MYT1L: variants seen among roughly 807,000 people sequenced by gnomAD.
MYT1L encodes myelin transcription factor 1 like.
In MYT1L, 12 loss-of-function variants were observed where a neutral mutation model predicts 126.7. The ratio of observed to expected loss-of-function variants is 0.09; its 90% CI spans 0.06 to 0.15. MYT1L has a LOEUF of 0.15. Ranked by LOEUF, MYT1L falls within the 10% of genes least tolerant of loss-of-function variation. The pLI, the probability that MYT1L is intolerant of heterozygous loss-of-function variation, is 1.00. For missense variants in MYT1L, 979 were observed against 1,585.2 expected (o/e 0.62, Z 6.49); for synonymous variants, 541 against 604.2 (o/e 0.90, Z 1.53).
At chr2:1,937,367 G>A (rs1163347683) in intron 9 of MYT1L, among the ~76,000 whole-genome samples, 4 of 152,042 alleles carry the variant, frequency 2.6e-5, no homozygotes, top group Non-Finnish European at 5.9e-5. Flanking sequence ...ACAGCGAGAA[G>A]GCCCTAATGT....
At chr2:2,155,620 A>C (rs947434058) in intron 3 of MYT1L, among the ~76,000 whole-genome samples, 2 of 152,108 alleles carry the variant, frequency 1.3e-5, no homozygotes, top group African/African-American at 4.8e-5. Flanking sequence ...TCCCCATTGC[A>C]ATATGTTGCC....
intron 8 of MYT1L, among the ~76,000 whole-genome samples, chr2:1,960,787 C>T (rs1397448195): frequency 6.6e-6 from 1 of 151,210 alleles, no homozygotes; most frequent in African/African-American, 2.4e-5. Context: ...TCACAATGCA[C>T]CTGCCTCCCT....
intron 2 of MYT1L, among the ~76,000 whole-genome samples, chr2:2,233,268 G>T (rs1394205518): frequency 6.6e-6 from 1 of 152,214 alleles, no homozygotes; most frequent in Non-Finnish European, 1.5e-5. Context: ...ACAGAGCAAG[G>T]GGTGCCAGGA....
At chr2:1,851,609 A>G in intron 19 of MYT1L, 32 bp downstream of exon 19, 1 of 1,602,900 alleles carries the variant, frequency 6.2e-7, no homozygotes, top group African/African-American at 1.3e-5. Context: ...GAGAAAGAGC[A>G]TTTTGGAGAG....
intron 9 of MYT1L, among the ~76,000 whole-genome samples, chr2:1,937,956 A>T (rs541261230): frequency 2.0e-5 from 3 of 152,320 alleles, no homozygotes; most frequent in Admixed American, 2.0e-4. Context: ...GTGTCACCGG[A>T]TTTAGCCCCG....
intron 2 of MYT1L, among the ~76,000 whole-genome samples, chr2:2,178,335 G>T (rs1054623662): frequency 6.6e-6 from 1 of 152,170 alleles, no homozygotes; most frequent in Non-Finnish European, 1.5e-5. Context: ...GTTGAAGACA[G>T]GCCCTGGGAT....
intron 5 of MYT1L, among the ~76,000 whole-genome samples, chr2:1,982,665 G>A (rs2060697180): frequency 6.6e-6 from 1 of 152,210 alleles, no homozygotes; most frequent in Admixed American, 6.5e-5. Context: ...GTGTGTTCCA[G>A]GAGAGACAAA....
chr2:1,960,351 C>T lies in MYT1L; in HGVS notation c.153-17017G>A, dbSNP rs190307910. On this transcript the variant is annotated intron_variant, in intron 8 of 24. Transcript: ENST00000647738. Reference sequence around the variant, plus strand: ...ACACATGAAAATACCAAGGACAGGGCGGGGGACGGTGAAGCCCCTTGTCCC... The same window carrying T: ...ACACATGAAAATACCAAGGACAGGGTGGGGGACGGTGAAGCCCCTTGTCCC... Among the ~76,000 whole-genome samples the T allele has an allele frequency of 1.1e-4, 16 of 152,282 alleles. No homozygotes were observed. The East Asian group carries it at 1.2e-3, about 11-fold the overall frequency.
At chr2:1,961,048 AATTAGTATCGC>A (rs72048759) in intron 8 of MYT1L, among the ~76,000 whole-genome samples, 4,009 of 152,350 alleles carry the variant, frequency 0.026, 66 homozygotes, top group Non-Finnish European at 0.042. Flanking sequence ...AGCACTCAAC[AATTAGTATCGC>A]GGAATACATT....
Position 1,811,122 on chromosome 2 carries a change from C to T in MYT1L, c.3081-1955G>A, listed in dbSNP as rs181527912. The T allele has an allele frequency of 2.0e-5, 3 of 152,200 alleles. No homozygotes were observed. In the East Asian group the frequency reaches 5.8e-4, roughly 29 times the overall value. The allele number at this position is 152,200 out of a possible 1,614,324, so 9.4% of individuals were successfully genotyped here. A position where few individuals can be genotyped will look rare whatever the true frequency, so the allele number is the denominator to read the frequency against. On this transcript the variant is annotated intron_variant, in intron 21 of 24. Transcript: ENST00000647738. This position sits in a 1 kb window ranked among gnomAD's most constrained non-coding sequence, Gnocchi z 4.4. The stretch of plus-strand genomic sequence containing the variant: ...CCAGAGAGCAGCAGTTGCCAGATGC[C>T]GAATCTGCTGGTGCCTCGGTCTCGG...
chr2:2,112,137 C>T (rs554180184), intron 3 of MYT1L, among the ~76,000 whole-genome samples: 9 of 152,138 alleles, frequency 5.9e-5, no homozygotes, highest in Non-Finnish European at 7.3e-5. Context: ...TGCTCCTCAG[C>T]GTGATTAAGA....
At chr2:2,129,174 T>C (rs2082063200) in intron 3 of MYT1L, among the ~76,000 whole-genome samples, 1 of 152,210 alleles carries the variant, frequency 6.6e-6, no homozygotes, top group African/African-American at 2.4e-5. Flanking sequence ...ATGCAGCAGA[T>C]GCCTGGAGGA....
chr2:1,984,235 T>C (rs555623010), intron 5 of MYT1L, among the ~76,000 whole-genome samples: 1 of 152,298 alleles, frequency 6.6e-6, no homozygotes, highest in South Asian at 2.1e-4. Flanking sequence ...TTGATACATA[T>C]ATTTAGGGGC....
At chr2:2,256,162 T>TGA (rs1165156225) in intron 2 of MYT1L, among the ~76,000 whole-genome samples, 1 of 152,236 alleles carries the variant, frequency 6.6e-6, no homozygotes, top group Non-Finnish European at 1.5e-5. Context: ...GCTGTAGATG[T>TGA]GAGCACAGTG....
At chr2:1,983,017 T>G (rs1176463841) in intron 5 of MYT1L, among the ~76,000 whole-genome samples, 2 of 152,214 alleles carry the variant, frequency 1.3e-5, no homozygotes, top group Non-Finnish European at 2.9e-5. Flanking sequence ...TCAGTATTTT[T>G]TATGCATATA....
chr2:1,982,939 G>C (rs992023978), intron 5 of MYT1L, among the ~76,000 whole-genome samples: 1 of 152,294 alleles, frequency 6.6e-6, no homozygotes, highest in African/African-American at 2.4e-5. Context: ...GGCCTTATTA[G>C]CTAACTGCTC....
intron 8 of MYT1L, among the ~76,000 whole-genome samples, chr2:1,969,741 C>T (rs144863088): frequency 2.8e-4 from 42 of 152,286 alleles, no homozygotes; most frequent in Non-Finnish European, 5.4e-4. Flanking sequence ...TTCCTGCAGC[C>T]CTCTCTGGAC....
chr2:2,308,023 G>A (rs1183321467), intron 1 of MYT1L, among the ~76,000 whole-genome samples: 1 of 146,598 alleles, frequency 6.8e-6, no homozygotes, highest in Non-Finnish European at 1.5e-5. Context: ...CACTACCTAT[G>A]CTCCACCTAT....
intron 18 of MYT1L, among the ~76,000 whole-genome samples, chr2:1,876,989 C>A (rs932099566): frequency 2.0e-5 from 3 of 152,206 alleles, no homozygotes; most frequent in African/African-American, 4.8e-5. Context: ...CAGGGTCCCA[C>A]GGGAGGACCA....
Sources: allele counts gnomAD v4.1 joint callset (sites outside exome capture counted in the v4.1 genomes callset), GRCh38; gene constraint gnomAD v4.1.1; non-coding constraint Gnocchi (gnomAD v3.1); transcripts MANE v1.5; gene names NCBI Gene and HGNC (gene_info 2026-07-23, HGNC 2026-07-21).